The following DCK variants were observed in gnomAD, a reference collection of about 807,000 sequenced individuals.
The protein encoded by DCK is deoxycytidine kinase.
Under a neutral mutation model 38.3 loss-of-function variants are expected in DCK, and 23 were observed. The ratio of observed to expected loss-of-function variants is 0.60; its 90% confidence interval spans 0.43 to 0.85. DCK has a LOEUF of 0.85. DCK is among the 40% of genes least tolerant of loss of function. The probability of loss-of-function intolerance (pLI) is 0.00; values close to 1 mark genes in which losing one functional copy is unlikely to be tolerated. For synonymous variants in DCK, 108 were observed against 100.6 expected (o/e 1.07, Z -0.44); for missense variants, 259 against 304.4 (o/e 0.85, Z 1.11).
At chr4:70,995,702 A>T (rs978401191) in intron 1 of DCK, among the ~76,000 whole-genome samples, 1 of 152,190 alleles carries the variant, frequency 6.6e-6, no homozygotes, top group African/African-American at 2.4e-5. Context: ...TATTTCCTCA[A>T]AGCATCTTTA....
intron 2 of DCK, among the ~76,000 whole-genome samples, chr4:71,007,426 C>T (rs1198107727): frequency 1.3e-5 from 2 of 152,156 alleles, no homozygotes; most frequent in Non-Finnish European, 2.9e-5. Flanking sequence ...AATCCCTGTT[C>T]GCCTTCTCCA....
At chr4:70,994,104 C>T (rs2148910688) in intron 1 of DCK, 178 bp downstream of exon 1, 1 of 623,434 alleles carries the variant, frequency 1.6e-6, no homozygotes, top group South Asian at 1.8e-5. Flanking sequence ...CCTCCCGCTC[C>T]ACGGGGTGAC....
chr4:71,016,119 A>G (rs1293595934), intron 2 of DCK, among the ~76,000 whole-genome samples: 1 of 152,244 alleles, frequency 6.6e-6, no homozygotes, highest in African/African-American at 2.4e-5. Flanking sequence ...AAAAATCACA[A>G]GCATTCTTAT....
intron 2 of DCK, among the ~76,000 whole-genome samples, chr4:71,021,112 A>C (rs1187767414): frequency 7.7e-6 from 1 of 130,500 alleles, no homozygotes; most frequent in African/African-American, 3.0e-5. Flanking sequence ...TCTGTCGCCC[A>C]GGCTGGACTG....
At chr4:71,013,560 C>T (rs1044325570) in intron 2 of DCK, among the ~76,000 whole-genome samples, 13 of 152,186 alleles carry the variant, frequency 8.5e-5, no homozygotes, top group Admixed American at 4.6e-4. Flanking sequence ...CAGTGGATCT[C>T]GCGGCAGAAA....
At chr4:71,021,123 C>T (rs1279811297) in intron 2 of DCK, among the ~76,000 whole-genome samples, 12 of 142,786 alleles carry the variant, frequency 8.4e-5, no homozygotes, top group African/African-American at 2.6e-4. Context: ...GGCTGGACTG[C>T]GGACTGCAGT....
chr4:71,015,837 G>A (rs1327692133), intron 2 of DCK, among the ~76,000 whole-genome samples: 4 of 152,140 alleles, frequency 2.6e-5, no homozygotes, highest in Non-Finnish European at 4.4e-5. Context: ...CACTGAATGG[G>A]CAAAAACTGG....
intron 2 of DCK, among the ~76,000 whole-genome samples, chr4:71,004,945 GC>G (rs1295549839): frequency 6.8e-6 from 1 of 147,778 alleles, no homozygotes. Context: ...CCTGGCTTCA[GC>G]CCCCTTGGCT....
At chr4:71,009,342 A>G (rs1306578727) in intron 2 of DCK, among the ~76,000 whole-genome samples, 1 of 152,212 alleles carries the variant, frequency 6.6e-6, no homozygotes, top group African/African-American at 2.4e-5. Context: ...TTGCTTTCGT[A>G]TATAAGACAA....
At chr4:71,005,066 A>G (rs1480176389) in intron 2 of DCK, among the ~76,000 whole-genome samples, 5 of 152,200 alleles carry the variant, frequency 3.3e-5, no homozygotes, top group African/African-American at 1.2e-4. Flanking sequence ...GTGTCTGCCC[A>G]AATGGCTGTC....
chr4:71,019,692 C>T (rs1740360559), intron 2 of DCK, among the ~76,000 whole-genome samples: 1 of 152,000 alleles, frequency 6.6e-6, no homozygotes, highest in Non-Finnish European at 1.5e-5. Flanking sequence ...TTCATATTTC[C>T]CCATTGTCTA....
At chr4:71,004,451 A>G (rs1186993765) in intron 2 of DCK, among the ~76,000 whole-genome samples, 3 of 152,168 alleles carry the variant, frequency 2.0e-5, no homozygotes, top group Non-Finnish European at 4.4e-5. Context: ...GACCCACTTG[A>G]GGATGCTGCC....
intron 2 of DCK, among the ~76,000 whole-genome samples, chr4:71,019,285 GT>G (rs1421227621): frequency 6.6e-6 from 1 of 152,028 alleles, no homozygotes; most frequent in Non-Finnish European, 1.5e-5. Flanking sequence ...GGTTCTCTAA[GT>G]TATTTTAATA....
chr4:71,027,199 A>G (rs1251789852), intron 6 of DCK, among the ~76,000 whole-genome samples: 1 of 152,086 alleles, frequency 6.6e-6, no homozygotes, highest in African/African-American at 2.4e-5. Context: ...TTTCAACTAA[A>G]TTCAATATGG....
intron 3 of DCK, among the ~76,000 whole-genome samples, chr4:71,023,181 G>C (rs1740472092): frequency 6.6e-6 from 1 of 152,158 alleles, no homozygotes; most frequent in Non-Finnish European, 1.5e-5. Flanking sequence ...ATAAAAAGTA[G>C]CTAGAAGAAT....
intron 2 of DCK, among the ~76,000 whole-genome samples, chr4:71,000,483 A>T (rs1244445050): frequency 3.3e-5 from 5 of 152,202 alleles, no homozygotes; most frequent in African/African-American, 1.2e-4. Flanking sequence ...CTTTTTGCTT[A>T]GGATTGTCTT....
intron 1 of DCK, 21 bp downstream of exon 1, chr4:70,993,947 T>A (rs780262850): frequency 6.4e-7 from 1 of 1,568,976 alleles, no homozygotes; most frequent in South Asian, 1.1e-5. Flanking sequence ...TCCGGAAATG[T>A]GGGACGCAAG....
intron 2 of DCK, 147 bp downstream of exon 2, chr4:70,998,329 A>ATATACAG (rs970037100): frequency 1.5e-5 from 7 of 456,070 alleles, no homozygotes; most frequent in African/African-American, 1.4e-4. Flanking sequence ...ACATGGATAT[A>ATATACAG]TATACAGTTG....
At chr4:71,019,303 A>G (rs2148918201) in intron 2 of DCK, among the ~76,000 whole-genome samples, 1 of 152,276 alleles carries the variant, frequency 6.6e-6, no homozygotes, top group East Asian at 1.9e-4. Context: ...AATATAGTAA[A>G]CTTTGAAATT....
Sources: gnomAD v4.1 joint callset for allele counts (sites outside exome capture counted in the v4.1 genomes callset) on GRCh38, gnomAD v4.1.1 for gene constraint, MANE v1.5 for transcripts, NCBI Gene and HGNC (gene_info 2026-07-23, HGNC 2026-07-21) for gene names.